The following FRK variants were observed in gnomAD, a reference collection of about 807,000 sequenced individuals.
FRK encodes fyn related Src family tyrosine kinase.
A neutral mutation model predicts 56.4 loss-of-function variants in FRK; 51 were observed. The observed-to-expected ratio is 0.90, with a 90% CI of 0.72 to 1.14. FRK has a LOEUF of 1.14. Among genes scored for constraint, FRK ranks in the 50% most tolerant of loss-of-function variants. FRK has a pLI of 0.00. For missense variants in FRK, 570 were observed against 601.4 expected (o/e 0.95, Z 0.55); for synonymous variants, 245 against 217.9 (o/e 1.12, Z -1.10).
chr6:115,998,664 T>C (rs1774934008), intron 2 of FRK, among the ~76,000 whole-genome samples: 1 of 152,228 alleles, frequency 6.6e-6, no homozygotes. Flanking sequence ...AACTGTATTG[T>C]AATTCTTCTC....
At chr6:116,092,738 G>T in the FRK span, among the ~76,000 whole-genome samples, 14 of 152,306 alleles carry the variant, frequency 9.2e-5, 1 homozygote, top group South Asian at 2.9e-3. Context: ...CAACTATTCC[G>T]ATCAGCAGGG....
At chr6:115,975,463 A>G (rs1237319056) in intron 2 of FRK, among the ~76,000 whole-genome samples, 2 of 152,192 alleles carry the variant, frequency 1.3e-5, no homozygotes, top group African/African-American at 4.8e-5. Context: ...AAGTATTTTC[A>G]TCTGTTAGTG....
At chr6:116,047,464 C>T (rs1777008330) in intron 1 of FRK, among the ~76,000 whole-genome samples, 2 of 145,902 alleles carry the variant, frequency 1.4e-5, no homozygotes, top group South Asian at 2.3e-4. Context: ...GTGGCTCAAT[C>T]TCCACCTTCC....
In FRK at chr6:116,054,519, TATTA is replaced by T. The variant is rs1562308120; in HGVS notation, c.344+5445_344+5448del. Among the ~76,000 whole-genome samples, 4 of 144,902 alleles carry T rather than the reference TATTA, an allele frequency of 2.8e-5. No individual in the cohort carries two copies. The East Asian group carries it at 6.3e-4, about 23-fold the overall frequency. On this transcript the variant is annotated intron_variant, in intron 1 of 7. Coordinates refer to ENST00000606080, the MANE Select transcript of FRK (RefSeq NM_002031.3). ...TATACTATTATAATATTATACTATA[TATTA>T]TATATTATATAGTATAATATAGTAT...
chr6:116,021,858 C>G (rs1775883359), intron 1 of FRK, among the ~76,000 whole-genome samples: 1 of 151,612 alleles, frequency 6.6e-6, no homozygotes, highest in African/African-American at 2.4e-5. Context: ...CAAAGGAAAA[C>G]CAAACCATGG....
chr6:116,075,769 G>A, the FRK span, among the ~76,000 whole-genome samples: 2 of 152,070 alleles, frequency 1.3e-5, no homozygotes, highest in Non-Finnish European at 2.9e-5. Context: ...ACCTTGGCAA[G>A]TGGCATAAAT....
upstream of FRK, among the ~76,000 whole-genome samples, chr6:116,063,583 G>T (rs1191854532): frequency 6.6e-6 from 1 of 152,088 alleles, no homozygotes; most frequent in Non-Finnish European, 1.5e-5. Flanking sequence ...GGGAGATGTT[G>T]GTTGAAGGGT....
intron 1 of FRK, among the ~76,000 whole-genome samples, chr6:116,014,920 G>T (rs1775595105): frequency 1.3e-5 from 2 of 152,238 alleles, no homozygotes; most frequent in East Asian, 1.9e-4. Context: ...GTTTTAATGA[G>T]TACATGCATT....
chr6:116,089,375 G>A, the FRK span, among the ~76,000 whole-genome samples: 1 of 152,164 alleles, frequency 6.6e-6, no homozygotes, highest in Non-Finnish European at 1.5e-5. Context: ...TCTTAGTTTT[G>A]TTTCCCAAAA....
chr6:115,994,338 C>CCCCCTTTTT (rs1554230544), intron 2 of FRK, among the ~76,000 whole-genome samples: 3 of 91,770 alleles, frequency 3.3e-5, no homozygotes, highest in African/African-American at 6.9e-5. Context: ...CCCCCCCCGC[C>CCCCCTTTTT]TTTTTTTTGT....
intron 1 of FRK, among the ~76,000 whole-genome samples, chr6:116,054,820 A>G (rs934592171): frequency 4.6e-5 from 7 of 152,034 alleles, no homozygotes; most frequent in Admixed American, 1.3e-4. Flanking sequence ...AATAATTCAA[A>G]CTTCTCAAAG....
At chr6:116,039,568 C>T in intron 1 of FRK, 2 of 849,878 alleles carry the variant, frequency 2.4e-6, no homozygotes, top group Non-Finnish European at 2.1e-6. Context: ...AACTGCCCCT[C>T]CCCTGCACAT....
At chr6:116,081,947 T>C in the FRK span, among the ~76,000 whole-genome samples, 1 of 152,126 alleles carries the variant, frequency 6.6e-6, no homozygotes, top group East Asian at 1.9e-4. Context: ...TCATAATAAA[T>C]CAATAACATG....
chr6:115,948,840 G>A (rs1021445750), intron 5 of FRK, among the ~76,000 whole-genome samples: 8 of 152,114 alleles, frequency 5.3e-5, no homozygotes, highest in Admixed American at 5.2e-4. Context: ...ATTGATGTTA[G>A]GAAGATAACA....
intron 1 of FRK, among the ~76,000 whole-genome samples, chr6:116,041,384 G>T (rs1302478228): frequency 6.6e-6 from 1 of 152,166 alleles, no homozygotes; most frequent in Non-Finnish European, 1.5e-5. Context: ...TGTCTTCTAG[G>T]AAAGTGCAAA....
chr6:115,996,764 T>C (rs1034473188), intron 2 of FRK, among the ~76,000 whole-genome samples: 1 of 152,156 alleles, frequency 6.6e-6, no homozygotes, highest in Non-Finnish European at 1.5e-5. Flanking sequence ...AATAAAAACA[T>C]GTTCTTCTAC....
intron 1 of FRK, among the ~76,000 whole-genome samples, chr6:116,044,920 C>A (rs568811005): frequency 6.6e-6 from 1 of 152,310 alleles, no homozygotes; most frequent in South Asian, 2.1e-4. Flanking sequence ...AATTCACAAG[C>A]ATTCCTATAC....
intron 2 of FRK, among the ~76,000 whole-genome samples, chr6:115,970,473 A>C (rs1392150729): frequency 6.6e-6 from 1 of 152,238 alleles, no homozygotes; most frequent in Non-Finnish European, 1.5e-5. Context: ...ATGTTTATCA[A>C]CTAAAAAACA....
rs764595423 is a variant in FRK at position 115,968,722 on chromosome 6, C to A, written c.484G>T (p.Val162Leu). The A allele has an allele frequency of 5.9e-5, 95 of 1,612,724 alleles. No individual in the cohort carries two copies. Among genetic ancestry groups the A allele is most frequent in the Non-Finnish European group, 6.7e-5 (79 of 1,179,488 alleles). ...AGTCTTTTAATTCTGTAGTGTTTTA[C>A]AACTGCTCCATCTAAAACTGGAACC... is the stretch of plus-strand genomic sequence containing the variant. Reference protein sequence around the residue: ...FSLSVLDGAVVKHYRIKRLDE... With the variant: ...FSLSVLDGAVLKHYRIKRLDE... Residue 162 changes from valine (V) to leucine (L), a missense_variant, in exon 3 of 8, where the codon GTA becomes TTA. Val to Leu is a conservative substitution (Grantham distance 32). Coordinates refer to ENST00000606080, the MANE Select transcript of FRK (RefSeq NM_002031.3).
Sources: gnomAD v4.1 joint callset for allele counts (sites outside exome capture counted in the v4.1 genomes callset) on GRCh38, gnomAD v4.1.1 for gene constraint, MANE v1.5 for transcripts, NCBI Gene and HGNC (gene_info 2026-07-23, HGNC 2026-07-21) for gene names.